CENPU: variants seen among roughly 807,000 people sequenced by gnomAD.
The protein encoded by CENPU is KSHV latent nuclear antigen interacting protein 1.
Under a neutral mutation model 56.7 loss-of-function variants are expected in CENPU, and 46 were observed. The observed-to-expected ratio is 0.81, with a 90% CI of 0.64 to 1.04. CENPU has a LOEUF of 1.04. Among genes scored for constraint, CENPU ranks in the 50% least tolerant of loss-of-function variants. The pLI is 0.00. For missense variants in CENPU, 510 were observed against 490.1 expected (o/e 1.04, Z -0.38); for synonymous variants, 166 against 163.0 (o/e 1.02, Z -0.14).
At chr4:184,717,030 A>G in intron 5 of CENPU, 106 bp downstream of exon 5, 1 of 723,572 alleles carries the variant, frequency 1.4e-6, no homozygotes, top group Non-Finnish European at 2.3e-6. Flanking sequence ...CTCTATTTGC[A>G]TCCAATCTAA....
chr4:184,720,643 G>A (rs887352425), intron 4 of CENPU, among the ~76,000 whole-genome samples: 1 of 152,056 alleles, frequency 6.6e-6, no homozygotes, highest in South Asian at 2.1e-4. Context: ...CAAGAGAAAA[G>A]AAATAAATAA....
At chr4:184,715,322 AAT>A (rs1259111887) in intron 6 of CENPU, among the ~76,000 whole-genome samples, 1 of 152,146 alleles carries the variant, frequency 6.6e-6, no homozygotes, top group East Asian at 1.9e-4. Flanking sequence ...TAAGACCCAG[AAT>A]TCTTTGTTTT....
chr4:184,696,407 C>T, intron 12 of CENPU, among the ~76,000 whole-genome samples: 1 of 152,122 alleles, frequency 6.6e-6, no homozygotes, highest in Non-Finnish European at 1.5e-5. Flanking sequence ...TGGTGTGTTC[C>T]AAACAAGGCA....
At chr4:184,716,165 C>T (rs1214540289) in intron 6 of CENPU, among the ~76,000 whole-genome samples, 7 of 152,064 alleles carry the variant, frequency 4.6e-5, no homozygotes, top group Non-Finnish European at 1.0e-4. Context: ...GAACTTCTGA[C>T]CTCAGGTGAT....
chr4:184,720,774 T>C (rs1761248283), intron 4 of CENPU, among the ~76,000 whole-genome samples: 1 of 152,140 alleles, frequency 6.6e-6, no homozygotes, highest in Non-Finnish European at 1.5e-5. Context: ...CCTAGAATAA[T>C]ATATCTGGTG....
intron 8 of CENPU, among the ~76,000 whole-genome samples, chr4:184,707,775 A>C (rs1451816315): frequency 6.6e-6 from 1 of 152,198 alleles, no homozygotes; most frequent in Non-Finnish European, 1.5e-5. Context: ...TGCTGGAGGA[A>C]CCCAACTATT....
chr4:184,731,274 C>A (rs1227454297), intron 1 of CENPU, among the ~76,000 whole-genome samples: 1 of 152,202 alleles, frequency 6.6e-6, no homozygotes. Context: ...TAAGCCCCGA[C>A]ACCTGCTCCA....
At chr4:184,718,608 A>G (rs35845099) in intron 4 of CENPU, among the ~76,000 whole-genome samples, 27,062 of 152,158 alleles carry the variant, frequency 0.18, 2,686 homozygotes, top group African/African-American at 0.26. Flanking sequence ...AAACTACCGC[A>G]GGAACGCTGG....
intron 8 of CENPU, among the ~76,000 whole-genome samples, chr4:184,708,274 A>C (rs1760800033): frequency 6.6e-6 from 1 of 151,656 alleles, no homozygotes; most frequent in South Asian, 2.1e-4. Context: ...AGCTAAGTTA[A>C]ATAAAGAACT....
intron 7 of CENPU, among the ~76,000 whole-genome samples, chr4:184,712,561 C>A (rs1260627742): frequency 6.6e-6 from 1 of 152,130 alleles, no homozygotes; most frequent in African/African-American, 2.4e-5. Context: ...ACACTGAACT[C>A]CAGTTAATCA....
chr4:184,712,281 CA>C (rs1169323351), intron 7 of CENPU, among the ~76,000 whole-genome samples: 1 of 152,014 alleles, frequency 6.6e-6, no homozygotes, highest in African/African-American at 2.4e-5. Context: ...AGATGGATTG[CA>C]AAAAAACTAT....
At position 184,722,269 on chromosome 4, in the gene CENPU, G is replaced by A. The variant is rs1451094799; in HGVS notation, c.320+2688C>T. ...CTAAGAGGGAAGTTTACAGCTATAAGCGCCTACATCAAAAAAAGAAAAACT... is the reference window on the plus strand; with the variant it reads ...CTAAGAGGGAAGTTTACAGCTATAAACGCCTACATCAAAAAAAGAAAAACT... On this transcript the variant is annotated intron_variant, in intron 4 of 12. Transcript: ENST00000281453. Among the ~76,000 whole-genome samples the A allele has an allele frequency of 6.6e-5, 10 of 152,162 alleles. No homozygotes were observed. In the East Asian group the frequency reaches 1.7e-3, roughly 26 times the overall value.
chr4:184,706,901 A>AAGACTGAAACTGGGGTTGGACTTGTGGGG (rs1760746947), intron 8 of CENPU, among the ~76,000 whole-genome samples: 9 of 151,862 alleles, frequency 5.9e-5, no homozygotes, highest in African/African-American at 1.9e-4. Context: ...CTGTGTCCTT[A>AAGACTGAAACTGGGGTTGGACTTGTGGGG]CTACCCACTG....
At chr4:184,733,143 C>T (rs939731778) in intron 1 of CENPU, among the ~76,000 whole-genome samples, 14 of 152,320 alleles carry the variant, frequency 9.2e-5, no homozygotes, top group Non-Finnish European at 4.4e-5. Context: ...CTCTTTTCAG[C>T]TGACATTGAA....
intron 4 of CENPU, among the ~76,000 whole-genome samples, chr4:184,724,390 G>GATA (rs138083764): frequency 0.18 from 27,062 of 152,092 alleles, 2,698 homozygotes; most frequent in African/African-American, 0.26. Context: ...AGCTGCTCTA[G>GATA]ATAATTTTAA....
chr4:184,717,397 G>C (rs945287698), intron 4 of CENPU, among the ~76,000 whole-genome samples: 2 of 152,136 alleles, frequency 1.3e-5, no homozygotes, highest in Admixed American at 6.5e-5. Context: ...GTTTATCCCA[G>C]GCAAGCAAGT....
At chr4:184,712,119 CAAA>C (rs10650384) in intron 7 of CENPU, among the ~76,000 whole-genome samples, 1 of 80,698 alleles carries the variant, frequency 1.2e-5, no homozygotes. Context: ...GACTCAGTCT[CAAA>C]AAAAAAAAAA....
chr4:184,699,529 A>G (rs2150200867), intron 11 of CENPU: 1 of 1,279,774 alleles, frequency 7.8e-7, no homozygotes, highest in Non-Finnish European at 1.0e-6. Context: ...TTTCCCTATT[A>G]TATTTACCTT....
chr4:184,697,189 T>C (rs1472379566), intron 12 of CENPU, among the ~76,000 whole-genome samples: 1 of 152,132 alleles, frequency 6.6e-6, no homozygotes, highest in East Asian at 1.9e-4. Context: ...GCCTGTTTCT[T>C]AACTTCTAAA....
Sources: allele counts gnomAD v4.1 joint callset (sites outside exome capture counted in the v4.1 genomes callset), GRCh38; gene constraint gnomAD v4.1.1; transcripts MANE v1.5; gene names NCBI Gene and HGNC (gene_info 2026-07-23, HGNC 2026-07-21).